The following PCOLCE2 variants were observed in gnomAD, a reference collection of about 807,000 sequenced individuals.
The protein encoded by PCOLCE2 is procollagen C-endopeptidase enhancer 2.
PCOLCE2 carries 42 observed loss-of-function variants against 47.0 expected under a neutral mutation model. That is an observed-to-expected ratio of 0.89 (90% CI 0.70 to 1.16). The LOEUF (loss-of-function observed/expected upper bound fraction) is 1.16. PCOLCE2 is among the 50% of genes most tolerant of loss of function. The probability of loss-of-function intolerance (pLI) is 0.00; values close to 1 mark genes in which losing one functional copy is unlikely to be tolerated. For missense variants in PCOLCE2, 500 were observed against 526.1 expected, an observed-to-expected ratio of 0.95 and a Z score of 0.49; for synonymous variants, 169 against 191.7, an observed-to-expected ratio of 0.88 and a Z score of 0.98.
intron 3 of PCOLCE2, among the ~76,000 whole-genome samples, chr3:142,846,094 T>C (rs1560134461): frequency 6.6e-6 from 1 of 152,206 alleles, no homozygotes; most frequent in African/African-American, 2.4e-5. Context: ...TTTCAAGATT[T>C]TCTCTGTCTT....
At chr3:142,819,364 C>T (rs1189391856) in intron 8 of PCOLCE2, among the ~76,000 whole-genome samples, 1 of 152,058 alleles carries the variant, frequency 6.6e-6, no homozygotes, top group Non-Finnish European at 1.5e-5. Context: ...AAAATGTGTC[C>T]TTTTTCTCTT....
intron 4 of PCOLCE2, among the ~76,000 whole-genome samples, chr3:142,840,814 G>A (rs200009123): frequency 2.7e-4 from 41 of 152,232 alleles, no homozygotes; most frequent in African/African-American, 9.9e-4. Context: ...GGTGGCTCAC[G>A]CCTGTAATCC....
At chr3:142,819,051 T>G (rs181516712) in intron 8 of PCOLCE2, among the ~76,000 whole-genome samples, 1 of 152,372 alleles carries the variant, frequency 6.6e-6, no homozygotes, top group Non-Finnish European at 1.5e-5. Flanking sequence ...CTCTCTTATG[T>G]TGCTGTTGTC....
intron 6 of PCOLCE2, among the ~76,000 whole-genome samples, chr3:142,826,060 A>G (rs1045160243): frequency 6.6e-6 from 1 of 151,020 alleles, no homozygotes; most frequent in African/African-American, 2.4e-5. Flanking sequence ...GCTGGAGTGC[A>G]GTGGCGCGAT....
rs1937280070 is a variant in PCOLCE2 at position 142,842,923 on chromosome 3, C to T, written c.573+1G>A. 6.2e-7 allele frequency: 1 copy of T among 1,613,992 alleles called. No individual in the cohort carries two copies. Reference sequence around the variant, plus strand: ...TTCTTCACACTTCCAGGGAATCTCACCTGATTCTTTGGGGCTACAATGTGC... The same window carrying T: ...TTCTTCACACTTCCAGGGAATCTCATCTGATTCTTTGGGGCTACAATGTGC... On this transcript the variant is annotated splice_donor_variant, in intron 4 of 8. Transcript: ENST00000295992. LOFTEE classifies it high-confidence loss of function. The surrounding 1 kb of genome is among the most constrained non-coding windows in gnomAD (Gnocchi z 4.1).
chr3:142,818,447 A>G lies in PCOLCE2; in HGVS notation c.1136T>C (p.Met379Thr). The change falls in exon 9 of 9, where the codon ATG (methionine) becomes ACG (threonine). Residue 379 changes from methionine (M) to threonine (T), a missense_variant. Physicochemically the swap from Met to Thr is moderately conservative, Grantham distance 81. Coordinates refer to ENST00000295992, the MANE Select transcript of PCOLCE2 (RefSeq NM_013363.4). Reference protein sequence around the residue: ...LLRRGLNYIIMGQVGEDGRGK... With the variant: ...LLRRGLNYIITGQVGEDGRGK... ...TCGCCCATCTTCACCTACTTGGCCC[A>G]TAATAATGTAATTTAGACCTAAAGA... 1 of 1,612,090 alleles carries G rather than the reference A, an allele frequency of 6.2e-7. No individual in the cohort carries two copies. The highest frequency in any genetic ancestry group is 1.7e-5 in the Admixed American group (1 of 60,008).
rs529985801 is a variant in PCOLCE2 at position 142,867,888 on chromosome 3, C to G, written c.193-19416G>C. On this transcript the variant is annotated intron_variant, in intron 2 of 8. Transcript: ENST00000295992. ...TTAGTTTGGTAGCTTTCCAAAGGAG[C>G]TAGGGCAGAATTGTGGAGGACTGTG... 2.6e-5 allele frequency among the ~76,000 whole-genome samples: 4 copies of G among 152,206 alleles called. No homozygotes were observed. In the South Asian group the frequency reaches 8.3e-4, roughly 32 times the overall value.
intron 5 of PCOLCE2, 141 bp downstream of exon 5, chr3:142,838,629 C>G (rs886695312): frequency 1.7e-5 from 12 of 700,524 alleles, no homozygotes; most frequent in Non-Finnish European, 2.4e-5. Context: ...TACAGCAGTG[C>G]GAGAACTAAT....
intron 5 of PCOLCE2, among the ~76,000 whole-genome samples, chr3:142,833,706 G>A (rs920378469): frequency 6.6e-6 from 1 of 152,100 alleles, no homozygotes; most frequent in African/African-American, 2.4e-5. Flanking sequence ...CCTTTCAAAG[G>A]TTTATTCACT....
rs1937088448 is a variant in PCOLCE2, at chr3:142,827,093, G to A, written c.865+2599C>T. On this transcript the variant is annotated intron_variant, in intron 6 of 8. Transcript: ENST00000295992. ...AAGACAAACTTTATTGAGCCCCTTA[G>A]CACTAGTTCTCTTTCTCCTGCACAG... The A allele has an allele frequency of 9.5e-6, 13 of 1,374,848 alleles. No homozygotes were observed. The South Asian group carries it at 1.5e-4, about 16-fold the overall frequency. The allele number at this position is 1,374,848 out of a possible 1,614,324, so 85.2% of individuals were successfully genotyped here.
intron 1 of PCOLCE2, 59 bp downstream of exon 1, chr3:142,888,755 G>T: frequency 9.7e-7 from 1 of 1,033,536 alleles, no homozygotes; most frequent in Non-Finnish European, 1.3e-6. Context: ...AGCAGGCGAG[G>T]CTGCAGGGGT....
chr3:142,886,091 T>A (rs1245230564), intron 2 of PCOLCE2, among the ~76,000 whole-genome samples: 1 of 152,232 alleles, frequency 6.6e-6, no homozygotes, highest in African/African-American at 2.4e-5. Context: ...AAGTGACTGC[T>A]GAGCTCACAG....
chr3:142,828,802 AACATGGACACCAAGGCTT>A (rs1183922184), intron 6 of PCOLCE2, among the ~76,000 whole-genome samples: 2 of 152,204 alleles, frequency 1.3e-5, no homozygotes, highest in African/African-American at 4.8e-5. Flanking sequence ...CACTGGAAAG[AACATGGACACCAAGGCTT>A]ACTGAGCTGA....
At chr3:142,831,995 G>T (rs1937157022) in intron 5 of PCOLCE2, among the ~76,000 whole-genome samples, 1 of 152,206 alleles carries the variant, frequency 6.6e-6, no homozygotes. Context: ...AGGCAGACAA[G>T]AGGAAATTTC....
intron 3 of PCOLCE2, among the ~76,000 whole-genome samples, chr3:142,844,806 G>C (rs1937306239): frequency 6.6e-6 from 1 of 152,172 alleles, no homozygotes; most frequent in African/African-American, 2.4e-5. Flanking sequence ...TTCTTCACCA[G>C]ACATTTTTGT....
At chr3:142,843,736 G>A (rs1383024062) in intron 3 of PCOLCE2, among the ~76,000 whole-genome samples, 5 of 151,970 alleles carry the variant, frequency 3.3e-5, no homozygotes, top group East Asian at 3.9e-4. Flanking sequence ...ATTTTAATAC[G>A]AAGTTCTAAA....
Position 142,866,874 on chromosome 3 carries a change from T to C in PCOLCE2, c.193-18402A>G, listed in dbSNP as rs537698786. Among the ~76,000 whole-genome samples, 11 of 152,322 alleles carry C rather than the reference T, an allele frequency of 7.2e-5. No homozygotes were observed. The East Asian group carries it at 1.4e-3, about 19-fold the overall frequency. On this transcript the variant is annotated intron_variant, in intron 2 of 8. Coordinates refer to ENST00000295992, the MANE Select transcript of PCOLCE2 (RefSeq NM_013363.4). The stretch of plus-strand genomic sequence containing the variant: ...ATTGACAAGCAAGCAGGCTTGCATA[T>C]GTAAATGCAGGCAGCTAAGAACCAG...
intron 5 of PCOLCE2, among the ~76,000 whole-genome samples, chr3:142,834,163 C>T (rs760347578): frequency 2.2e-4 from 33 of 152,138 alleles, no homozygotes; most frequent in Non-Finnish European, 8.8e-5. Flanking sequence ...ACCCATCACT[C>T]TTTTAAAACC....
intron 2 of PCOLCE2, among the ~76,000 whole-genome samples, chr3:142,858,764 A>T (rs1461117097): frequency 6.6e-6 from 1 of 152,092 alleles, no homozygotes; most frequent in Non-Finnish European, 1.5e-5. Context: ...TAAGAGAGAG[A>T]CAGAGCGAGA....
Sources: allele counts gnomAD v4.1 joint callset (sites outside exome capture counted in the v4.1 genomes callset), GRCh38; gene constraint gnomAD v4.1.1; non-coding constraint Gnocchi (gnomAD v3.1); transcripts MANE v1.5; gene names NCBI Gene and HGNC (gene_info 2026-07-23, HGNC 2026-07-21).